Variants in ACSM2B observed in about 807,000 individuals in gnomAD.
ACSM2B encodes the protein acyl-CoA synthetase medium chain family member 2B, also known as acyl-coenzyme A synthetase ACSM2B, mitochondrial.
Under a neutral mutation model 78.6 loss-of-function variants are expected in ACSM2B, and 58 were observed. The ratio of observed to expected loss-of-function variants is 0.74; its 90% CI spans 0.60 to 0.92. ACSM2B has a LOEUF of 0.92. Among genes scored for constraint, ACSM2B ranks in the 40% least tolerant of loss-of-function variants. The probability of loss-of-function intolerance (pLI) is 0.00; values close to 1 mark genes in which losing one functional copy is unlikely to be tolerated. For missense variants in ACSM2B, 688 were observed against 711.2 expected (o/e 0.97, Z 0.37); for synonymous variants, 257 against 256.8 (o/e 1.00, Z -0.01).
intron 1 of ACSM2B, among the ~76,000 whole-genome samples, chr16:20,565,984 G>A (rs1463385544): frequency 4.6e-5 from 7 of 151,018 alleles, no homozygotes; most frequent in East Asian, 1.9e-4. Context: ...AGGTTGCTGC[G>A]AATGCCATTA....
intron 1 of ACSM2B, among the ~76,000 whole-genome samples, chr16:20,565,182 C>G (rs2015787557): frequency 6.6e-6 from 1 of 152,164 alleles, no homozygotes; most frequent in South Asian, 2.1e-4. Context: ...CAGCAATTCA[C>G]TCCCTTTCCG....
At chr16:20,565,959 T>G (rs1351075243) in intron 1 of ACSM2B, among the ~76,000 whole-genome samples, 2 of 151,550 alleles carry the variant, frequency 1.3e-5, no homozygotes, top group African/African-American at 4.9e-5. Context: ...TGAGCGATGG[T>G]CTCCAATCCC....
intron 4 of ACSM2B, 45 bp downstream of exon 4, chr16:20,555,224 T>C: frequency 1.2e-6 from 2 of 1,612,810 alleles, no homozygotes; most frequent in Non-Finnish European, 1.7e-6. Context: ...TTGGCTCTGT[T>C]TCCAGTTTTA....
At chr16:20,540,918 A>C in intron 12 of ACSM2B, 145 bp from the exon 13 acceptor site, 2 of 1,271,144 alleles carry the variant, frequency 1.6e-6, no homozygotes, top group Admixed American at 2.3e-5. Flanking sequence ...GAAAGGGAGA[A>C]ACTGGGGACA....
chr16:20,537,502 A>C, intron 13 of ACSM2B, 140 bp from the exon 14 acceptor site: 1 of 863,984 alleles, frequency 1.2e-6, no homozygotes, highest in South Asian at 1.6e-5. Flanking sequence ...AAGAAGCTTC[A>C]GAAGGTGCTC....
intron 1 of ACSM2B, among the ~76,000 whole-genome samples, chr16:20,571,191 T>C (rs1476028789): frequency 6.6e-6 from 1 of 152,020 alleles, no homozygotes; most frequent in African/African-American, 2.4e-5. Flanking sequence ...TCAGACTTTT[T>C]GATGAAGGCA....
chr16:20,551,124 T>C (rs1460511816), intron 6 of ACSM2B, among the ~76,000 whole-genome samples: 1 of 152,106 alleles, frequency 6.6e-6, no homozygotes, highest in Non-Finnish European at 1.5e-5. Context: ...TTACATGAAA[T>C]GCAAGAAGAG....
chr16:20,545,118 C>T, intron 10 of ACSM2B, 39 bp downstream of exon 10: 4 of 1,588,894 alleles, frequency 2.5e-6, no homozygotes, highest in Non-Finnish European at 1.7e-6. Context: ...TGCTCCCATC[C>T]TCACTGGGGA....
At chr16:20,553,139 T>A (rs1444932729) in intron 5 of ACSM2B, among the ~76,000 whole-genome samples, 1 of 152,190 alleles carries the variant, frequency 6.6e-6, no homozygotes, top group Non-Finnish European at 1.5e-5. Flanking sequence ...AGATGGAACA[T>A]TTACATTTTC....
rs561066905 is a variant in ACSM2B, at chr16:20,562,056, A to G, written c.178-2609T>C. ...GATATTTGGGCTGTTTGACCTTCCA[A>G]CTACTGTGAATAAAGTTACTGTGAA... On this transcript the variant is annotated intron_variant, in intron 2 of 13. Transcript: ENST00000329697. 3.3e-5 allele frequency among the ~76,000 whole-genome samples: 5 copies of G among 151,482 alleles called. No individual in the cohort carries two copies. In the East Asian group the frequency reaches 7.8e-4, roughly 24 times the overall value.
chr16:20,559,461 A>T lies in ACSM2B; in HGVS notation c.178-14T>A. On this transcript the variant is annotated splice_polypyrimidine_tract_variant and intron_variant, in intron 2 of 13. Coordinates refer to ENST00000329697, the MANE Select transcript of ACSM2B (RefSeq NM_001105069.2). ...TCGCTTGCCAGCCTGAGGAAAGAGA[A>T]ACCCTGTTGATTAGGGGGCATTGGT... The T allele has an allele frequency of 1.2e-6, 2 of 1,612,596 alleles. No individual in the cohort carries two copies. The highest frequency in any genetic ancestry group is 1.7e-6 in the Non-Finnish European group (2 of 1,179,246).
chr16:20,570,702 C>T (rs2016068247), intron 1 of ACSM2B, among the ~76,000 whole-genome samples: 1 of 150,664 alleles, frequency 6.6e-6, no homozygotes, highest in South Asian at 2.1e-4. Flanking sequence ...TTTTTGTTGT[C>T]GTTGTTGTTG....
chr16:20,560,369 A>G (rs2015615249), intron 2 of ACSM2B, among the ~76,000 whole-genome samples: 1 of 151,958 alleles, frequency 6.6e-6, no homozygotes, highest in Non-Finnish European at 1.5e-5. Context: ...GCTTAGCACC[A>G]TCCCCTTGGT....
chr16:20,560,147 C>T (rs2015608495), intron 2 of ACSM2B, among the ~76,000 whole-genome samples: 1 of 150,978 alleles, frequency 6.6e-6, no homozygotes, highest in African/African-American at 2.5e-5. Flanking sequence ...AAAACTCTGT[C>T]CCCGTTACAC....
intron 13 of ACSM2B, among the ~76,000 whole-genome samples, chr16:20,537,732 T>A (rs751850754): frequency 6.6e-6 from 1 of 152,184 alleles, no homozygotes; most frequent in Non-Finnish European, 1.5e-5. Context: ...CTGAGTAAGA[T>A]GGAGGATAAT....
At chr16:20,554,848 C>T (rs1483889899) in intron 4 of ACSM2B, among the ~76,000 whole-genome samples, 1 of 152,204 alleles carries the variant, frequency 6.6e-6, no homozygotes, top group East Asian at 1.9e-4. Context: ...TTCCAGTGTG[C>T]ATCACGAGTG....
intron 3 of ACSM2B, among the ~76,000 whole-genome samples, chr16:20,557,770 T>C (rs1458972269): frequency 1.3e-5 from 2 of 152,182 alleles, no homozygotes; most frequent in Non-Finnish European, 2.9e-5. Context: ...AGATATCCTT[T>C]TAGGTTCTTT....
At chr16:20,538,352 CA>C (rs2014899472) in intron 13 of ACSM2B, among the ~76,000 whole-genome samples, 1 of 152,184 alleles carries the variant, frequency 6.6e-6, no homozygotes, top group East Asian at 1.9e-4. Context: ...TTAATTGAAA[CA>C]GTCATACCCA....
At chr16:20,565,760 T>C (rs1281137691) in intron 1 of ACSM2B, among the ~76,000 whole-genome samples, 1 of 152,076 alleles carries the variant, frequency 6.6e-6, no homozygotes, top group Non-Finnish European at 1.5e-5. Context: ...ACACTTACAG[T>C]ATACACTTAA....
Sources: allele counts gnomAD v4.1 joint callset (sites outside exome capture counted in the v4.1 genomes callset), GRCh38; gene constraint gnomAD v4.1.1; transcripts MANE v1.5; gene names NCBI Gene and HGNC (gene_info 2026-07-23, HGNC 2026-07-21).